The following CFAP58 variants were observed in gnomAD, a reference collection of about 807,000 sequenced individuals.
CFAP58 encodes the protein cilia and flagella associated protein 58.
Under a neutral mutation model 119.5 loss-of-function variants are expected in CFAP58, and 88 were observed. That is an observed-to-expected ratio of 0.74 (90% confidence interval 0.62 to 0.88). CFAP58 has a LOEUF of 0.88. Among genes scored for constraint, CFAP58 ranks in the 40% least tolerant of loss-of-function variants. The pLI, the probability that CFAP58 is intolerant of heterozygous loss-of-function variation, is 0.00. For synonymous variants in CFAP58, 365 were observed against 366.3 expected (o/e 1.00, Z 0.04); for missense variants, 990 against 1,021.2 (o/e 0.97, Z 0.42).
intron 9 of CFAP58, among the ~76,000 whole-genome samples, chr10:104,381,459 G>A (rs767596504): frequency 1.3e-5 from 2 of 152,104 alleles, no homozygotes; most frequent in Admixed American, 6.5e-5. Context: ...TTTTAGTTAC[G>A]AGGCTGATAA....
At chr10:104,352,965 A>C (rs964436179), upstream of CFAP58, among the ~76,000 whole-genome samples, 2 of 152,222 alleles carry the variant, frequency 1.3e-5, no homozygotes, top group African/African-American at 4.8e-5. Flanking sequence ...TACATTTCCC[A>C]AAAATACATA....
At chr10:104,398,840 C>A (rs1384670974) in intron 11 of CFAP58, among the ~76,000 whole-genome samples, 1 of 152,180 alleles carries the variant, frequency 6.6e-6, no homozygotes, top group East Asian at 1.9e-4. Flanking sequence ...GACATCCCTT[C>A]TGTTTCATCA....
chr10:104,420,997 C>T lies in CFAP58; in HGVS notation c.2256+14204C>T, dbSNP rs956613434. 6.6e-5 allele frequency among the ~76,000 whole-genome samples: 10 copies of T among 152,224 alleles called. 1 individual carries two copies. The South Asian group carries it at 8.3e-4, about 13-fold the overall frequency. ...TGAACTCCTGGGCTCAAGTGATCCACCAACCTTGGCCTGCCAAAGTGCTGG... is the reference window on the plus strand; with the variant it reads ...TGAACTCCTGGGCTCAAGTGATCCATCAACCTTGGCCTGCCAAAGTGCTGG... On this transcript the variant is annotated intron_variant, in intron 15 of 17. Transcript: ENST00000369704.
intron 10 of CFAP58, among the ~76,000 whole-genome samples, 174 bp from the exon 11 acceptor site, chr10:104,393,155 A>G (rs1339252207): frequency 6.6e-6 from 1 of 152,216 alleles, no homozygotes; most frequent in Admixed American, 6.5e-5. Flanking sequence ...TTAATACAAT[A>G]AAGTACTTTG....
At chr10:104,355,261 A>G (rs2014528691) in intron 1 of CFAP58, among the ~76,000 whole-genome samples, 1 of 151,508 alleles carries the variant, frequency 6.6e-6, no homozygotes, top group Admixed American at 6.6e-5. Flanking sequence ...ATCTTTGTTT[A>G]TTTCATTCTT....
intron 15 of CFAP58, among the ~76,000 whole-genome samples, chr10:104,432,465 A>G (rs772509896): frequency 3.9e-5 from 6 of 152,200 alleles, no homozygotes; most frequent in Non-Finnish European, 7.3e-5. Context: ...AGACAAGAAA[A>G]GAATGATGAT....
rs565734933 is a variant in CFAP58 at position 104,381,942 on chromosome 10, T to A, written c.1365+1722T>A. Among the ~76,000 whole-genome samples the A allele has an allele frequency of 3.3e-5, 5 of 152,360 alleles. No homozygotes were observed. The East Asian group carries it at 9.6e-4, about 29-fold the overall frequency. On this transcript the variant is annotated intron_variant, in intron 9 of 17. Transcript: ENST00000369704. ...TGATTTACTGACTCTGAGGACTCGT[T>A]GTCAATTTAGGCCCTGGTATTATCG... is the stretch of plus-strand genomic sequence containing the variant.
At chr10:104,399,526 C>G (rs1170708069) in intron 12 of CFAP58, 26 bp downstream of exon 12, 1 of 1,608,410 alleles carries the variant, frequency 6.2e-7, no homozygotes, top group Non-Finnish European at 8.5e-7. Flanking sequence ...GTCAGACTTG[C>G]AGACCTTGTC....
At chr10:104,357,134 C>A (rs2014553304) in intron 1 of CFAP58, among the ~76,000 whole-genome samples, 1 of 152,246 alleles carries the variant, frequency 6.6e-6, no homozygotes, top group African/African-American at 2.4e-5. Context: ...TTTTGGGGGA[C>A]ACAATTCAAC....
chr10:104,374,838 T>C (rs1159756914), intron 7 of CFAP58, among the ~76,000 whole-genome samples: 1 of 141,716 alleles, frequency 7.1e-6, no homozygotes, highest in Non-Finnish European at 1.5e-5. Context: ...GATTATTGCT[T>C]ATAACTGCAA....
chr10:104,403,700 C>A (rs746331477), intron 13 of CFAP58, 29 bp from the exon 14 acceptor site: 5 of 1,477,432 alleles, frequency 3.4e-6, no homozygotes, highest in South Asian at 1.2e-5. Flanking sequence ...GTGGATAATT[C>A]TTTGCAAAAT....
At chr10:104,383,911 G>T (rs992483547) in intron 9 of CFAP58, among the ~76,000 whole-genome samples, 2 of 152,056 alleles carry the variant, frequency 1.3e-5, no homozygotes, top group Non-Finnish European at 1.5e-5. Context: ...AGTATACATT[G>T]TTCCAAGTTT....
At position 104,406,749 on chromosome 10, in the gene CFAP58, A is replaced by T. The variant is rs1271672016; in HGVS notation, c.2212A>T (p.Ile738Phe). ...AATTCACACCCTGCAGAAGCGTCTC[A>T]TCAGCAAGACTGAAGAGGTGGTTGA... is the stretch of plus-strand genomic sequence containing the variant. ...QKIHTLQKRL[I>F]SKTEEVVEKE... The change falls in exon 15 of 18, where the codon ATC becomes TTC. Residue 738 changes from isoleucine (I) to phenylalanine (F), a missense_variant. Ile to Phe is a conservative substitution (Grantham distance 21). Coordinates refer to ENST00000369704, the MANE Select transcript of CFAP58 (RefSeq NM_001008723.2). 7 of 1,613,504 alleles carry T rather than the reference A, an allele frequency of 4.3e-6. No homozygotes were observed. Among genetic ancestry groups the T allele is most frequent in the Non-Finnish European group, 5.9e-6 (7 of 1,179,510 alleles).
chr10:104,454,553 A>T lies in CFAP58; in HGVS notation c.*23A>T. The T allele has an allele frequency of 6.4e-7, 1 of 1,558,974 alleles. No individual in the cohort carries two copies. The highest frequency in any genetic ancestry group is 8.8e-7 in the Non-Finnish European group (1 of 1,129,970). On this transcript the variant is annotated 3_prime_UTR_variant, in exon 18 of 18. Transcript: ENST00000369704. ...TAACCTGAAGCTGCTGGCTGTTTCC[A>T]GTTGAACAACTCATGAAATCTGCTC...
Position 104,392,246 on chromosome 10 carries a change from T to C in CFAP58, c.1379T>C (p.Met460Thr). Residue 460 changes from methionine (M) to threonine (T), a missense_variant, in exon 10 of 18, where the codon ATG becomes ACG. Met to Thr is a moderately conservative substitution (Grantham distance 81). Coordinates refer to ENST00000369704, the MANE Select transcript of CFAP58 (RefSeq NM_001008723.2). ...TTTCTCCTCCAGGTCCTTATGAACA[T>C]GGAAGACATAAAAGTTCGTGAAACA... is the stretch of plus-strand genomic sequence containing the variant. Reference protein sequence around the residue: ...SDLTQKVLMNMEDIKVRETQI... With the variant: ...SDLTQKVLMNTEDIKVRETQI... 1 of 1,611,324 alleles carries C rather than the reference T, an allele frequency of 6.2e-7. No individual in the cohort carries two copies. The highest frequency in any genetic ancestry group is 8.5e-7 in the Non-Finnish European group (1 of 1,179,150).
intron 9 of CFAP58, among the ~76,000 whole-genome samples, chr10:104,383,768 A>ACACACG (rs1554917581): frequency 9.2e-5 from 14 of 151,718 alleles, no homozygotes; most frequent in African/African-American, 2.2e-4. Context: ...ACACACACAC[A>ACACACG]CACACACACA....
chr10:104,369,612 T>C (rs2014796588), intron 6 of CFAP58, among the ~76,000 whole-genome samples: 1 of 152,188 alleles, frequency 6.6e-6, no homozygotes, highest in African/African-American at 2.4e-5. Flanking sequence ...AAATAATGTA[T>C]TAGCCCCTAA....
intron 3 of CFAP58, 71 bp downstream of exon 3, chr10:104,362,242 G>A: frequency 1.5e-6 from 2 of 1,334,956 alleles, no homozygotes; most frequent in Non-Finnish European, 1.0e-6. Context: ...ACAGCCTGGG[G>A]CTTGCCAGTG....
chr10:104,399,444 C>A lies in CFAP58; in HGVS notation c.1759C>A (p.Arg587=), dbSNP rs200198757. ...AGAAGCTGAAGAGAGAAAACTCCTG[C>A]GAATAATTGCTGAGGCTGACGGGGA... ...KQEAEERKLL[R]IIAEADGERL... is the part of the protein sequence containing the mutation. Residue 587 remains arginine (R), a synonymous_variant, in exon 12 of 18, where the codon CGA becomes AGA. Transcript: ENST00000369704. 1.2e-6 allele frequency: 2 copies of A among 1,613,804 alleles called. No homozygotes were observed. Among genetic ancestry groups the A allele is most frequent in the South Asian group, 2.2e-5 (2 of 91,056 alleles).
Sources: gnomAD v4.1 joint callset for allele counts (sites outside exome capture counted in the v4.1 genomes callset) on GRCh38, gnomAD v4.1.1 for gene constraint, MANE v1.5 for transcripts, NCBI Gene and HGNC (gene_info 2026-07-23, HGNC 2026-07-21) for gene names.